ANK2: variants seen among roughly 807,000 people sequenced by gnomAD.
ANK2 encodes ankyrin-2.
ANK2 carries 83 observed loss-of-function variants against 360.5 expected under a neutral mutation model. The ratio of observed to expected loss-of-function variants is 0.23; its 90% confidence interval spans 0.19 to 0.28. The LOEUF is 0.28. ANK2 is among the 10% of genes least tolerant of loss of function. The pLI is 1.00. For missense variants in ANK2, 4,201 were observed against 4,795.7 expected (o/e 0.88, Z 3.66); for synonymous variants, 1,740 against 1,759.5 (o/e 0.99, Z 0.28).
At chr4:112,741,743 G>C in the ANK2 span, among the ~76,000 whole-genome samples, 4 of 152,084 alleles carry the variant, frequency 2.6e-5, no homozygotes, top group Non-Finnish European at 5.9e-5. Flanking sequence ...CTACTGGGGT[G>C]GCTGAAGTGG....
chr4:113,122,495 A>G (rs1419861303), intron 1 of ANK2, among the ~76,000 whole-genome samples: 1 of 152,058 alleles, frequency 6.6e-6, no homozygotes, highest in African/African-American at 2.4e-5. Flanking sequence ...AGTTTTTAAA[A>G]CCTGCATGGA....
the ANK2 span, among the ~76,000 whole-genome samples, chr4:112,737,967 C>T: frequency 0.01 from 1,558 of 152,208 alleles, 26 homozygotes; most frequent in African/African-American, 0.035. Flanking sequence ...CGGGGTACAT[C>T]GATAGAACAA....
chr4:113,028,923 T>C (rs1360720384), intron 2 of ANK2, among the ~76,000 whole-genome samples: 4 of 152,106 alleles, frequency 2.6e-5, no homozygotes, highest in Non-Finnish European at 5.9e-5. Context: ...AGGTAGGGGA[T>C]TGAAGTACTC....
intron 2 of ANK2, among the ~76,000 whole-genome samples, chr4:113,011,590 G>C (rs1388476850): frequency 6.6e-6 from 1 of 151,962 alleles, no homozygotes; most frequent in African/African-American, 2.4e-5. Flanking sequence ...AGAAGATAAG[G>C]GATAGTTTAA....
chr4:112,902,075 A>C (rs1021915487), intron 1 of ANK2, among the ~76,000 whole-genome samples: 3 of 152,170 alleles, frequency 2.0e-5, no homozygotes, highest in African/African-American at 7.2e-5. Flanking sequence ...GAGAGCACTT[A>C]AATTGCTCTT....
At chr4:112,842,697 C>T (rs2062379175) in intron 1 of ANK2, among the ~76,000 whole-genome samples, 1 of 152,208 alleles carries the variant, frequency 6.6e-6, no homozygotes, top group Admixed American at 6.5e-5. Context: ...CTCGCTGGCC[C>T]ACTGGCCGCT....
rs2094471227 is a variant in ANK2, at chr4:113,343,118, A to G, written c.4224A>G (p.Glu1408=). 6.2e-7 allele frequency: 1 copy of G among 1,613,810 alleles called. No individual in the cohort carries two copies. The highest frequency in any genetic ancestry group is 1.3e-5 in the African/African-American group (1 of 75,052). The change falls in exon 34 of 46, where the codon GAA becomes GAG. Residue 1408 remains glutamate, a synonymous_variant. Transcript: ENST00000357077. ...TATTCAGTTTTTTTGCCTTCAAAGA[A>G]AATAGACTTCCTCTATTTGTCAAGG... ...HHIFSFFAFK[E]NRLPLFVKVR...
At chr4:112,916,869 T>C (rs555094724) in intron 2 of ANK2, among the ~76,000 whole-genome samples, 1 of 152,320 alleles carries the variant, frequency 6.6e-6, no homozygotes, top group African/African-American at 2.4e-5. Flanking sequence ...TATAAAGTAC[T>C]GTGATAGATA....
At chr4:113,197,994 C>G (rs1584624245) in intron 3 of ANK2, among the ~76,000 whole-genome samples, 1 of 152,110 alleles carries the variant, frequency 6.6e-6, no homozygotes, top group East Asian at 1.9e-4. Flanking sequence ...TACAACCCCA[C>G]CATCTATTAT....
At chr4:113,061,282 A>G (rs957034818) in intron 1 of ANK2, among the ~76,000 whole-genome samples, 1 of 152,060 alleles carries the variant, frequency 6.6e-6, no homozygotes, top group African/African-American at 2.4e-5. Flanking sequence ...CTGTAACAAA[A>G]CGCCTTGATC....
chr4:112,911,927 C>G (rs2087622988), intron 2 of ANK2, among the ~76,000 whole-genome samples: 1 of 152,158 alleles, frequency 6.6e-6, no homozygotes, highest in African/African-American at 2.4e-5. Flanking sequence ...CCTGTAATCC[C>G]AGCACTTTGG....
At chr4:112,964,692 A>G (rs1582087986) in intron 2 of ANK2, among the ~76,000 whole-genome samples, 1 of 149,956 alleles carries the variant, frequency 6.7e-6, no homozygotes, top group African/African-American at 2.5e-5. Context: ...GCCTCAGCCT[A>G]CCGAGTAGCT....
chr4:113,315,313 A>C (rs1442220886), intron 24 of ANK2, among the ~76,000 whole-genome samples: 1 of 152,166 alleles, frequency 6.6e-6, no homozygotes, highest in African/African-American at 2.4e-5. Flanking sequence ...ACTTAGCCAT[A>C]GTCACTCCTT....
intron 28 of ANK2, among the ~76,000 whole-genome samples, chr4:113,332,283 G>A (rs1408015149): frequency 1.3e-5 from 2 of 152,200 alleles, no homozygotes; most frequent in East Asian, 3.9e-4. Flanking sequence ...CCCTTAAAGT[G>A]CTGTGACCTT....
intron 2 of ANK2, among the ~76,000 whole-genome samples, chr4:112,989,424 T>C (rs1052024436): frequency 2.0e-5 from 3 of 152,206 alleles, no homozygotes; most frequent in African/African-American, 4.8e-5. Context: ...ATAATATTTA[T>C]CTACCAAATT....
intron 1 of ANK2, among the ~76,000 whole-genome samples, chr4:113,109,095 C>T (rs915875289): frequency 1.3e-5 from 2 of 152,064 alleles, no homozygotes; most frequent in African/African-American, 2.4e-5. Context: ...TTACGCAAAG[C>T]AGTATGTCTT....
intron 1 of ANK2, among the ~76,000 whole-genome samples, chr4:112,903,427 A>C (rs1163384995): frequency 6.6e-6 from 1 of 152,330 alleles, no homozygotes; most frequent in East Asian, 1.9e-4. Context: ...CAGGGATCCT[A>C]AGCCATTGCA....
chr4:113,331,701 T>C (rs569691705), intron 27 of ANK2, among the ~76,000 whole-genome samples: 71 of 152,250 alleles, frequency 4.7e-4, no homozygotes, highest in African/African-American at 1.6e-3. Context: ...TTGTGGAGCA[T>C]TTTTTCCCCC....
intron 2 of ANK2, among the ~76,000 whole-genome samples, chr4:113,033,103 C>T (rs2060763984): frequency 6.6e-6 from 1 of 151,950 alleles, no homozygotes; most frequent in Non-Finnish European, 1.5e-5. Flanking sequence ...CCTGTATTTG[C>T]AAAACTACAT....
Sources: gnomAD v4.1 joint callset for allele counts (sites outside exome capture counted in the v4.1 genomes callset) on GRCh38, gnomAD v4.1.1 for gene constraint, MANE v1.5 for transcripts, NCBI Gene and HGNC (gene_info 2026-07-23, HGNC 2026-07-21) for gene names.